Variants in PPP1R16B observed in about 807,000 individuals in gnomAD.
PPP1R16B encodes the protein protein phosphatase 1 regulatory subunit 16B.
A neutral mutation model predicts 61.7 loss-of-function variants in PPP1R16B; 14 were observed. The observed-to-expected ratio is 0.23, with a 90% CI of 0.15 to 0.35. The LOEUF is 0.35. Among genes scored for constraint, PPP1R16B ranks in the 10% least tolerant of loss-of-function variants. The pLI, the probability that PPP1R16B is intolerant of heterozygous loss-of-function variation, is 1.00. For missense variants in PPP1R16B, 547 were observed against 752.5 expected (o/e 0.73, Z 3.19); for synonymous variants, 266 against 305.3 (o/e 0.87, Z 1.34).
At position 38,907,366 on chromosome 20, in the gene PPP1R16B, G is replaced by T. The variant is rs1405276119; in HGVS notation, c.898+312G>T. Among the ~76,000 whole-genome samples the T allele has an allele frequency of 1.3e-5, 2 of 152,074 alleles. No homozygotes were observed. Among genetic ancestry groups the T allele is most frequent in the African/African-American group, 4.8e-5 (2 of 41,392 alleles). On this transcript the variant is annotated intron_variant, in intron 8 of 10. Transcript: ENST00000299824. The surrounding 1 kb of genome is among the most constrained non-coding windows in gnomAD (Gnocchi z 4.5). Reference sequence around the variant, plus strand: ...GGATGGATAGACAGAAAAATAAGTGGATGAGTGGGTAAAGGATGAATCTAT... The same window carrying T: ...GGATGGATAGACAGAAAAATAAGTGTATGAGTGGGTAAAGGATGAATCTAT...
At chr20:38,873,562 G>C (rs2085144841) in intron 2 of PPP1R16B, among the ~76,000 whole-genome samples, 1 of 152,098 alleles carries the variant, frequency 6.6e-6, no homozygotes, top group Non-Finnish European at 1.5e-5. Context: ...CAATATGTGG[G>C]CCAAGGCCTG....
chr20:38,920,633 T>A lies in PPP1R16B; in HGVS notation c.*1967T>A, dbSNP rs953322021. On this transcript the variant is annotated 3_prime_UTR_variant, in exon 11 of 11. Transcript: ENST00000299824. ...GCTGGACCAGAAAGTAGAGGGCCCA[T>A]GGGAGTGACTGCACCCTTGGTGGCT... 1.3e-5 allele frequency: 2 copies of A among 152,626 alleles called. No homozygotes were observed. The highest frequency in any genetic ancestry group is 4.8e-5 in the African/African-American group (2 of 41,454). 9.5% of individuals were successfully genotyped at this position (152,626 alleles called of 1,614,324 possible). A position where few individuals can be genotyped will look rare whatever the true frequency, so the allele number is the denominator to read the frequency against.
chr20:38,902,035 A>G (rs1266238026), intron 5 of PPP1R16B, among the ~76,000 whole-genome samples: 1 of 152,168 alleles, frequency 6.6e-6, no homozygotes, highest in African/African-American at 2.4e-5. Flanking sequence ...TGCTTGGTCT[A>G]ATGGATCTTT....
chr20:38,845,459 A>G (rs945889111), intron 2 of PPP1R16B, among the ~76,000 whole-genome samples: 6 of 152,184 alleles, frequency 3.9e-5, no homozygotes, highest in African/African-American at 1.4e-4. Flanking sequence ...AAAAATAAAT[A>G]AACAAATAAA....
At chr20:38,841,863 G>T (rs977192215) in intron 2 of PPP1R16B, among the ~76,000 whole-genome samples, 26 of 152,270 alleles carry the variant, frequency 1.7e-4, no homozygotes, top group Non-Finnish European at 3.4e-4. Flanking sequence ...TTTCTATTTT[G>T]GGGTAGGATG....
intron 10 of PPP1R16B, among the ~76,000 whole-genome samples, chr20:38,914,995 AT>A (rs889142265): frequency 1.1e-4 from 16 of 150,338 alleles, no homozygotes; most frequent in East Asian, 3.9e-4. Context: ...AAACTAATAG[AT>A]TTTTTTTTTC....
At chr20:38,829,392 C>T (rs2084823120) in intron 1 of PPP1R16B, among the ~76,000 whole-genome samples, 1 of 152,256 alleles carries the variant, frequency 6.6e-6, no homozygotes, top group East Asian at 1.9e-4. Context: ...ATCCCTGCCA[C>T]AGATATCTTG....
intron 2 of PPP1R16B, among the ~76,000 whole-genome samples, chr20:38,871,074 T>C (rs1228257707): frequency 6.6e-6 from 1 of 152,058 alleles, no homozygotes; most frequent in African/African-American, 2.4e-5. Flanking sequence ...CTCGGAGGTG[T>C]GGGTGAGGCA....
rs940766750 is a variant in PPP1R16B, at chr20:38,908,001, C to T, written c.1029-27C>T. 4 of 1,613,844 alleles carry T rather than the reference C, an allele frequency of 2.5e-6. No homozygotes were observed. In the African/African-American group the frequency reaches 5.3e-5, roughly 22 times the overall value. ...TCCTGCCTGTGGTGCCTGGGTGCAG[C>T]CTCTAGGACCCACTTTGTCCTCTCA... On this transcript the variant is annotated intron_variant, in intron 9 of 10. Transcript: ENST00000299824.
chr20:38,914,681 G>C (rs1054140328), intron 10 of PPP1R16B, among the ~76,000 whole-genome samples: 3 of 152,072 alleles, frequency 2.0e-5, no homozygotes, highest in Non-Finnish European at 2.9e-5. Context: ...TTCTTTTGTT[G>C]AGACAGGGTC....
intron 1 of PPP1R16B, among the ~76,000 whole-genome samples, chr20:38,817,161 C>T (rs1003230524): frequency 5.9e-5 from 9 of 152,190 alleles, no homozygotes; most frequent in African/African-American, 2.2e-4. Context: ...CCAGCAATTA[C>T]CAGAGTGCTG....
chr20:38,818,071 G>A (rs2084750487), intron 1 of PPP1R16B, among the ~76,000 whole-genome samples: 1 of 152,220 alleles, frequency 6.6e-6, no homozygotes, highest in South Asian at 2.1e-4. Flanking sequence ...AAAACAGCGT[G>A]TGTGAAAGTG....
intron 2 of PPP1R16B, among the ~76,000 whole-genome samples, chr20:38,850,380 CAGA>C (rs1201757611): frequency 6.6e-6 from 1 of 152,070 alleles, no homozygotes; most frequent in Non-Finnish European, 1.5e-5. Flanking sequence ...ATGATATTTC[CAGA>C]AGGAGGGAGA....
At chr20:38,836,293 G>A in intron 2 of PPP1R16B, 118 bp downstream of exon 2, 1 of 1,401,584 alleles carries the variant, frequency 7.1e-7, no homozygotes, top group Non-Finnish European at 9.5e-7. Context: ...CCACTTCCAA[G>A]TTCCAGCAGC....
At chr20:38,858,887 C>A (rs1415741891) in intron 2 of PPP1R16B, among the ~76,000 whole-genome samples, 1 of 152,208 alleles carries the variant, frequency 6.6e-6, no homozygotes, top group Non-Finnish European at 1.5e-5. Flanking sequence ...GTCTCTGCTC[C>A]ACAACGTCCA....
In PPP1R16B at chr20:38,900,774, G is replaced by A. The variant is rs911578457; in HGVS notation, c.571+90G>A. ...CAATGCAGGCGAACAGATTAGCTAC[G>A]CATCGGCCTGCCTCGTGCGCTGTGC... On this transcript the variant is annotated intron_variant, in intron 5 of 10. Transcript: ENST00000299824. 1.1e-5 allele frequency: 11 copies of A among 965,104 alleles called. 1 individual carries two copies. The highest frequency in any genetic ancestry group is 2.2e-4 in the Middle Eastern group (1 of 4,506). 59.8% of individuals were successfully genotyped at this position (965,104 alleles called of 1,614,324 possible).
At chr20:38,886,511 C>G (rs2085246152) in intron 2 of PPP1R16B, among the ~76,000 whole-genome samples, 1 of 152,198 alleles carries the variant, frequency 6.6e-6, no homozygotes, top group South Asian at 2.1e-4. Flanking sequence ...GAAACCCATC[C>G]TAGTCAGGGA....
chr20:38,885,627 G>T (rs1462743562), intron 2 of PPP1R16B, among the ~76,000 whole-genome samples: 2 of 152,150 alleles, frequency 1.3e-5, no homozygotes, highest in Non-Finnish European at 2.9e-5. Flanking sequence ...CCTTAATTTG[G>T]CCACATGTGA....
intron 7 of PPP1R16B, 43 bp downstream of exon 7, chr20:38,906,137 C>A: frequency 1.3e-6 from 2 of 1,584,556 alleles, no homozygotes; most frequent in South Asian, 1.1e-5. Context: ...CGGCACAGGG[C>A]TAACCTGCTG....
Sources: allele counts gnomAD v4.1 joint callset (sites outside exome capture counted in the v4.1 genomes callset), GRCh38; gene constraint gnomAD v4.1.1; non-coding constraint Gnocchi (gnomAD v3.1); transcripts MANE v1.5; gene names NCBI Gene and HGNC (gene_info 2026-07-23, HGNC 2026-07-21).